The following ZNF546 variants were observed in gnomAD, a reference collection of about 807,000 sequenced individuals.
ZNF546 encodes CTC-471F3.6.
In ZNF546, 60 loss-of-function variants were observed where a neutral mutation model predicts 76.2. That is an observed-to-expected ratio of 0.79 (90% CI 0.64 to 0.98). The LOEUF is 0.98. Among genes scored for constraint, ZNF546 ranks in the 50% least tolerant of loss-of-function variants. The pLI is 0.00. For synonymous variants in ZNF546, 277 were observed against 328.1 expected, an observed-to-expected ratio of 0.84 and a Z score of 1.68; for missense variants, 936 against 1,035.6, an observed-to-expected ratio of 0.90 and a Z score of 1.32.
intron 3 of ZNF546, among the ~76,000 whole-genome samples, chr19:40,001,256 TCAGTGA>T (rs1401103332): frequency 1.3e-5 from 2 of 152,232 alleles, no homozygotes; most frequent in African/African-American, 4.8e-5. Context: ...CCAGTGTCAG[TCAGTGA>T]CCTGGGGGTT....
At chr19:40,009,009 A>C (rs1264941761) in intron 6 of ZNF546, among the ~76,000 whole-genome samples, 1 of 152,226 alleles carries the variant, frequency 6.6e-6, no homozygotes, top group Non-Finnish European at 1.5e-5. Flanking sequence ...TATTATAGTA[A>C]GGGAAACATG....
rs1273075792 is a variant in ZNF546 at position 40,017,825 on chromosome 19, A to C, written c.*2044A>C. On this transcript the variant is annotated 3_prime_UTR_variant, in exon 7 of 7. Coordinates refer to ENST00000347077, the MANE Select transcript of ZNF546 (RefSeq NM_178544.5). ...TGTGTTCATATTCTCAGTTGTGTTC[A>C]TTCTTTTCATTTGTGTAAACAATGC... is the stretch of plus-strand genomic sequence containing the variant. The C allele has an allele frequency of 6.6e-6, 1 of 152,134 alleles. No homozygotes were observed. The highest frequency in any genetic ancestry group is 1.5e-5 in the Non-Finnish European group (1 of 68,034). The allele number at this position is 152,134 out of a possible 1,614,324, so 9.4% of individuals were successfully genotyped here. A position where few individuals can be genotyped will look rare whatever the true frequency, so the allele number is the denominator to read the frequency against.
At chr19:40,012,591 A>G (rs1971686467) in intron 6 of ZNF546, among the ~76,000 whole-genome samples, 1 of 152,180 alleles carries the variant, frequency 6.6e-6, no homozygotes, top group Non-Finnish European at 1.5e-5. Flanking sequence ...GAGAAACTCT[A>G]TTCTAAAGGG....
At chr19:40,008,980 C>A (rs1568386236) in intron 6 of ZNF546, among the ~76,000 whole-genome samples, 1 of 152,174 alleles carries the variant, frequency 6.6e-6, no homozygotes. Flanking sequence ...GATAGACACT[C>A]TTGTCACAGA....
chr19:40,014,025 A>G lies in ZNF546; in HGVS notation c.755A>G (p.Lys252Arg), dbSNP rs200276674. 3.1e-6 allele frequency: 5 copies of G among 1,612,176 alleles called. No individual in the cohort carries two copies. The East Asian group carries it at 1.1e-4, about 36-fold the overall frequency. Residue 252 changes from lysine to arginine, a missense_variant, in exon 7 of 7, where the codon AAG (lysine) becomes AGG (arginine). Lys to Arg is a conservative substitution (Grantham distance 26, BLOSUM62 2). Coordinates refer to ENST00000347077, the MANE Select transcript of ZNF546 (RefSeq NM_178544.5). ...CCCTATAAATGTATGGAATGTGGAA[A>G]GGCCTTTTGTCGAGTGGGAGACCTT... is the stretch of plus-strand genomic sequence containing the variant. ...ERPYKCMECGKAFCRVGDLRV... is the reference protein window; with the variant it reads ...ERPYKCMECGRAFCRVGDLRV...
intron 3 of ZNF546, among the ~76,000 whole-genome samples, chr19:40,001,559 A>G (rs1971530418): frequency 6.6e-6 from 1 of 152,000 alleles, no homozygotes; most frequent in Non-Finnish European, 1.5e-5. Flanking sequence ...ACGGGGTTTC[A>G]CCATGTTGGT....
In ZNF546 at chr19:40,015,010, C is replaced by A. The variant is rs564149242; in HGVS notation, c.1740C>A (p.Thr580=). Residue 580 remains threonine, a synonymous_variant, in exon 7 of 7, where the codon ACC becomes ACA. Coordinates refer to ENST00000347077, the MANE Select transcript of ZNF546 (RefSeq NM_178544.5). The stretch of plus-strand genomic sequence containing the variant: ...AGCGAATTCACACCAGTGAGAGCAC[C>A]TACATATGTAAAGAATGTGGGAAGA... ...SHQRIHTSES[T]YICKECGKIF... The A allele has an allele frequency of 1.1e-5, 17 of 1,614,012 alleles. No individual in the cohort carries two copies. The African/African-American group carries it at 2.3e-4, about 22-fold the overall frequency.
rs1290081368 is a variant in ZNF546 at position 40,007,321 on chromosome 19, G to T, written c.219G>T (p.Glu73Asp). ...TGTCCATAGACCTCTCCCAAGAGGA[G>T]TGGGAGTGCCTGGACGCTGTGCAGA... is the stretch of plus-strand genomic sequence containing the variant. ...RDVSIDLSQE[E>D]WECLDAVQRD... The change falls in exon 5 of 7, where the codon GAG (glutamate) becomes GAT (aspartate). Residue 73 changes from glutamate to aspartate, a missense_variant. Physicochemically the swap from Glu to Asp is conservative, Grantham distance 45 (BLOSUM62 2). Transcript: ENST00000347077. The T allele has an allele frequency of 3.1e-6, 5 of 1,605,618 alleles. No individual in the cohort carries two copies. The East Asian group carries it at 6.7e-5, about 22-fold the overall frequency.
At chr19:40,000,630 A>G (rs1487568697) in intron 3 of ZNF546, among the ~76,000 whole-genome samples, 2 of 151,628 alleles carry the variant, frequency 1.3e-5, no homozygotes, top group Non-Finnish European at 2.9e-5. Context: ...AAAAAAAAAA[A>G]AAAGAAAAAG....
At position 40,016,742 on chromosome 19, in the gene ZNF546, C is replaced by T. The variant is rs1414040086; in HGVS notation, c.*961C>T. ...CACATGGACCACACTTTATATAGCACTGTAACGGAAAATGATTCTGTTAAT... is the reference window on the plus strand; with the variant it reads ...CACATGGACCACACTTTATATAGCATTGTAACGGAAAATGATTCTGTTAAT... On this transcript the variant is annotated 3_prime_UTR_variant, in exon 7 of 7. Transcript: ENST00000347077. 1.3e-5 allele frequency: 2 copies of T among 152,156 alleles called. No individual in the cohort carries two copies. The highest frequency in any genetic ancestry group is 4.8e-5 in the African/African-American group (2 of 41,436). The allele number at this position is 152,156 out of a possible 1,614,324, so 9.4% of individuals were successfully genotyped here. A position where few individuals can be genotyped will look rare whatever the true frequency, so the allele number is the denominator to read the frequency against.
At chr19:40,005,908 C>T (rs1279685366) in intron 3 of ZNF546, among the ~76,000 whole-genome samples, 188 bp from the exon 4 acceptor site, 1 of 152,184 alleles carries the variant, frequency 6.6e-6, no homozygotes, top group Non-Finnish European at 1.5e-5. Context: ...TTGTTGTCAT[C>T]ACCTGGCAAC....
At position 40,005,198 on chromosome 19, in the gene ZNF546, T is replaced by G. The variant is rs1407993075; in HGVS notation, c.85-898T>G. Among the ~76,000 whole-genome samples the G allele has an allele frequency of 5.9e-5, 9 of 151,834 alleles. 1 individual carries two copies. Among genetic ancestry groups the G allele is most frequent in the African/African-American group, 2.2e-4 (9 of 41,298 alleles). On this transcript the variant is annotated intron_variant, in intron 3 of 6. Coordinates refer to ENST00000347077, the MANE Select transcript of ZNF546 (RefSeq NM_178544.5). ...CATGCCTAGCTAATTTTTTTTGTAT[T>G]TTTAGTAGAGATGGTTTCACCATGT...
chr19:40,010,137 T>C (rs1971653688), intron 6 of ZNF546, among the ~76,000 whole-genome samples: 1 of 152,182 alleles, frequency 6.6e-6, no homozygotes, highest in African/African-American at 2.4e-5. Flanking sequence ...TAGCAGTGGC[T>C]TATGCCTGTA....
chr19:40,014,841 C>T lies in ZNF546; in HGVS notation c.1571C>T (p.Pro524Leu), dbSNP rs143827814. 3.1e-6 allele frequency: 5 copies of T among 1,613,834 alleles called. No individual in the cohort carries two copies. The highest frequency in any genetic ancestry group is 1.3e-5 in the African/African-American group (1 of 74,886). The change falls in exon 7 of 7, where the codon CCC (proline) becomes CTC (leucine). Residue 524 changes from proline to leucine, a missense_variant. By Grantham distance (98) the Pro-to-Leu change is moderately conservative (BLOSUM62 -3). Coordinates refer to ENST00000347077, the MANE Select transcript of ZNF546 (RefSeq NM_178544.5). The part of the protein sequence containing the change: ...QHYRIHTGEK[P>L]YICNECGKAF... ...TACAGAATTCATACTGGTGAGAAAC[C>T]CTACATATGTAACGAATGTGGAAAA... is the stretch of plus-strand genomic sequence containing the variant.
chr19:40,013,835 C>T lies in ZNF546; in HGVS notation c.565C>T (p.Gln189Ter). ...TGAATTTGAGAGACAAGAGAGACAT[C>T]AGATGGGATGCGTTAGTCAAATGCT... ...KHEFERQERH[Q>*]MGCVSQMLIQ... Residue 189 changes from glutamine to a stop codon, truncating the protein, a stop_gained, in exon 7 of 7, where the codon CAG becomes TAG. Coordinates refer to ENST00000347077, the MANE Select transcript of ZNF546 (RefSeq NM_178544.5). LOFTEE classifies it high-confidence loss of function. 1 of 1,612,288 alleles carries T rather than the reference C, an allele frequency of 6.2e-7. No individual in the cohort carries two copies. Among genetic ancestry groups the T allele is most frequent in the Non-Finnish European group, 8.5e-7 (1 of 1,179,424 alleles).
intron 3 of ZNF546, among the ~76,000 whole-genome samples, chr19:40,004,097 A>G (rs1971569636): frequency 7.0e-6 from 1 of 142,926 alleles, no homozygotes; most frequent in African/African-American, 2.7e-5. Flanking sequence ...ATATTAATAT[A>G]TAAATATATA....
chr19:40,015,715 T>G lies in ZNF546; in HGVS notation c.2445T>G (p.Ile815Met), dbSNP rs758055427. The G allele has an allele frequency of 5.6e-6, 9 of 1,614,056 alleles. No individual in the cohort carries two copies. The South Asian group carries it at 7.7e-5, about 14-fold the overall frequency. Reference protein sequence around the residue: ...YQCKECGKAFIRSDQLTLHQR... With the variant: ...YQCKECGKAFMRSDQLTLHQR... Reference sequence around the variant, plus strand: ...GTAAAGAATGTGGAAAAGCCTTTATTCGTAGTGATCAACTTACTTTACATC... The same window carrying G: ...GTAAAGAATGTGGAAAAGCCTTTATGCGTAGTGATCAACTTACTTTACATC... The change falls in exon 7 of 7, where the codon ATT becomes ATG. Residue 815 changes from isoleucine to methionine, a missense_variant. Coordinates refer to ENST00000347077, the MANE Select transcript of ZNF546 (RefSeq NM_178544.5).
chr19:40,011,011 T>C (rs1971664445), intron 6 of ZNF546, among the ~76,000 whole-genome samples: 1 of 152,206 alleles, frequency 6.6e-6, no homozygotes, highest in Admixed American at 6.5e-5. Flanking sequence ...ATTGGTTGTT[T>C]GCTAATTATT....
At chr19:39,997,401 G>C (rs1033117010) in intron 1 of ZNF546, 1 of 153,174 alleles carries the variant, frequency 6.5e-6, no homozygotes, top group Non-Finnish European at 1.5e-5. Context: ...GTGAGGCTGA[G>C]ACAGGTGCCT....
Sources: gnomAD v4.1 joint callset for allele counts (sites outside exome capture counted in the v4.1 genomes callset) on GRCh38, gnomAD v4.1.1 for gene constraint, MANE v1.5 for transcripts, NCBI Gene and HGNC (gene_info 2026-07-23, HGNC 2026-07-21) for gene names.